The following LARGE1 variants were observed in gnomAD, a reference collection of about 807,000 sequenced individuals.
LARGE1 encodes xylosyl- and glucuronyltransferase LARGE1.
A neutral mutation model predicts 87.6 loss-of-function variants in LARGE1; 43 were observed. The ratio of observed to expected loss-of-function variants is 0.49; its 90% CI spans 0.38 to 0.63. LARGE1 has a LOEUF of 0.63. LARGE1 is among the 30% of genes least tolerant of loss of function. The probability of loss-of-function intolerance (pLI) is 0.00; values close to 1 mark genes in which losing one functional copy is unlikely to be tolerated. For synonymous variants in LARGE1, 434 were observed against 394.6 expected, an observed-to-expected ratio of 1.10 and a Z score of -1.18; for missense variants, 802 against 1,000.2, an observed-to-expected ratio of 0.80 and a Z score of 2.67.
intron 1 of LARGE1, among the ~76,000 whole-genome samples, chr22:33,819,593 A>C (rs572040587): frequency 1.6e-4 from 25 of 152,144 alleles, no homozygotes; most frequent in African/African-American, 6.0e-4. Flanking sequence ...GTTGAAGTCA[A>C]CTGCCTTGAC....
At chr22:33,829,154 A>C (rs888469408) in intron 1 of LARGE1, among the ~76,000 whole-genome samples, 1 of 151,366 alleles carries the variant, frequency 6.6e-6, no homozygotes, top group East Asian at 1.9e-4. Flanking sequence ...GATTACAGGC[A>C]CGTGCCACCG....
At chr22:33,361,546 G>A (rs1199162389) in intron 9 of LARGE1, among the ~76,000 whole-genome samples, 1 of 149,616 alleles carries the variant, frequency 6.7e-6, no homozygotes, top group East Asian at 1.9e-4. Flanking sequence ...GTTTTCACAG[G>A]ACTGTGGAGA....
intron 7 of LARGE1, among the ~76,000 whole-genome samples, chr22:33,400,197 T>A (rs1197461676): frequency 6.6e-6 from 1 of 152,246 alleles, no homozygotes; most frequent in African/African-American, 2.4e-5. Context: ...CCACTGCAGT[T>A]ACAGTAGTTA....
intron 1 of LARGE1, among the ~76,000 whole-genome samples, chr22:33,808,024 T>C (rs1255629197): frequency 6.6e-6 from 1 of 152,218 alleles, no homozygotes; most frequent in African/African-American, 2.4e-5. Flanking sequence ...AATACCAAGT[T>C]GTGAGATTCT....
intron 2 of LARGE1, among the ~76,000 whole-genome samples, chr22:33,698,918 C>T (rs1310401379): frequency 1.3e-5 from 2 of 152,244 alleles, no homozygotes; most frequent in African/African-American, 2.4e-5. Flanking sequence ...ACTTAAATGA[C>T]TCAATCTTAT....
Position 33,506,360 on chromosome 22 carries a change from T to A in LARGE1, c.787+58488A>T, listed in dbSNP as rs559119322. Among the ~76,000 whole-genome samples the A allele has an allele frequency of 6.3e-4, 96 of 152,256 alleles. 1 individual carries two copies. Among genetic ancestry groups the A allele is most frequent in the South Asian group, 5.4e-3 (26 of 4,814 alleles). ...GCCATACATCTCTTGAGGCCACAGA[T>A]GAGCGCCCCCAGAGCAGGGATCTGG... is the stretch of plus-strand genomic sequence containing the variant. On this transcript the variant is annotated intron_variant, in intron 6 of 14. Coordinates refer to ENST00000397394, the MANE Select transcript of LARGE1 (RefSeq NM_133642.5).
chr22:33,445,148 G>A (rs1349376002), intron 6 of LARGE1, among the ~76,000 whole-genome samples: 2 of 152,098 alleles, frequency 1.3e-5, no homozygotes, highest in African/African-American at 4.8e-5. Context: ...TTCTTACAAG[G>A]GCACCAGTCT....
intron 2 of LARGE1, among the ~76,000 whole-genome samples, chr22:33,700,992 T>G (rs1264496598): frequency 6.6e-6 from 1 of 152,190 alleles, no homozygotes; most frequent in African/African-American, 2.4e-5. Context: ...TTTCTCACCC[T>G]GTAAGAGGAA....
chr22:33,868,055 G>A (rs569474754), intron 1 of LARGE1, among the ~76,000 whole-genome samples: 9 of 152,182 alleles, frequency 5.9e-5, no homozygotes, highest in East Asian at 1.9e-4. Flanking sequence ...CCACAACCAC[G>A]GTACATTTCA....
intron 9 of LARGE1, among the ~76,000 whole-genome samples, chr22:33,363,129 C>A (rs1323656072): frequency 1.3e-5 from 2 of 150,022 alleles, no homozygotes; most frequent in African/African-American, 4.9e-5. Context: ...TTTGGAGTAG[C>A]AGAGTGTGAG....
chr22:33,468,149 T>A (rs2068692032), intron 6 of LARGE1, among the ~76,000 whole-genome samples: 1 of 152,188 alleles, frequency 6.6e-6, no homozygotes. Context: ...TCTGTTTTGA[T>A]CTTGTGACTC....
At chr22:33,830,672 C>T (rs3819670) in intron 1 of LARGE1, among the ~76,000 whole-genome samples, 97,436 of 152,050 alleles carry the variant, frequency 0.64, 31,626 homozygotes, top group African/African-American at 0.77. Context: ...ATGACAATGG[C>T]GGTGGTGGTT....
chr22:33,229,016 A>G (rs1925872405), intron 11 of LARGE1, among the ~76,000 whole-genome samples: 1 of 152,224 alleles, frequency 6.6e-6, no homozygotes, highest in South Asian at 2.1e-4. Flanking sequence ...ATCTAACTGT[A>G]AGTGAGAAAA....
chr22:33,555,921 A>G (rs961044833), intron 6 of LARGE1, among the ~76,000 whole-genome samples: 3 of 112,876 alleles, frequency 2.7e-5, no homozygotes, highest in African/African-American at 1.2e-4. Context: ...AGAGAGAGAG[A>G]CTCCATCTCA....
chr22:33,689,530 TG>T, intron 2 of LARGE1, among the ~76,000 whole-genome samples: 1 of 151,970 alleles, frequency 6.6e-6, no homozygotes, highest in Non-Finnish European at 1.5e-5. Context: ...AAATGGGTAC[TG>T]GGAAGAAGGA....
intron 9 of LARGE1, among the ~76,000 whole-genome samples, chr22:33,380,308 C>A (rs1246838376): frequency 1.3e-5 from 2 of 152,062 alleles, no homozygotes; most frequent in East Asian, 3.9e-4. Context: ...TGAATAAATG[C>A]CGATGGAAGG....
intron 2 of LARGE1, among the ~76,000 whole-genome samples, chr22:33,720,670 G>C (rs78818161): frequency 6.6e-6 from 1 of 152,220 alleles, no homozygotes; most frequent in Non-Finnish European, 1.5e-5. Context: ...AATGTGGCCT[G>C]TGGTTACATA....
intron 9 of LARGE1, among the ~76,000 whole-genome samples, chr22:33,353,220 T>C (rs1263500958): frequency 6.6e-6 from 1 of 152,230 alleles, no homozygotes; most frequent in African/African-American, 2.4e-5. Flanking sequence ...ATTCAGAATA[T>C]GCAGATGAAG....
At chr22:33,462,862 A>G (rs765706078) in intron 6 of LARGE1, among the ~76,000 whole-genome samples, 2 of 152,238 alleles carry the variant, frequency 1.3e-5, no homozygotes, top group Non-Finnish European at 2.9e-5. Flanking sequence ...AATAAAATAG[A>G]ACAAGCAAAC....
Sources: gnomAD v4.1 joint callset for allele counts (sites outside exome capture counted in the v4.1 genomes callset) on GRCh38, gnomAD v4.1.1 for gene constraint, MANE v1.5 for transcripts, NCBI Gene and HGNC (gene_info 2026-07-23, HGNC 2026-07-21) for gene names.